The following COL27A1 variants were observed in gnomAD, a reference collection of about 807,000 sequenced individuals.
COL27A1 encodes collagen alpha-1(XXVII) chain.
A neutral mutation model predicts 251.3 loss-of-function variants in COL27A1; 106 were observed. The ratio of observed to expected loss-of-function variants is 0.42; its 90% CI spans 0.36 to 0.50. COL27A1 has a LOEUF of 0.50. COL27A1 is among the 20% of genes least tolerant of loss of function. COL27A1 has a pLI of 0.00. For synonymous variants in COL27A1, 1,000 were observed against 986.3 expected (o/e 1.01, Z -0.26); for missense variants, 2,325 against 2,522.8 (o/e 0.92, Z 1.68).
intron 59 of COL27A1, among the ~76,000 whole-genome samples, chr9:114,308,954 G>A (rs1317703151): frequency 6.6e-6 from 1 of 152,116 alleles, no homozygotes; most frequent in African/African-American, 2.4e-5. Flanking sequence ...TGAGCTCCTG[G>A]ATCCTAGCTC....
chr9:114,205,809 G>A lies in COL27A1; in HGVS notation c.2220G>A (p.Arg740=), dbSNP rs1588657153. Residue 740 remains arginine (R), a synonymous_variant, in exon 9 of 61, where the codon AGG becomes AGA. Coordinates refer to ENST00000356083, the MANE Select transcript of COL27A1 (RefSeq NM_032888.4). ...CAGGGGCCAAAGGTTACCCTGGCAG[G>A]CAGGTGCAGTATATGGCTTCTGGAA... ...GSPGAKGYPG[R]QGLPGPVGDP... 6.2e-7 allele frequency: 1 copy of A among 1,613,214 alleles called. No individual in the cohort carries two copies. The highest frequency in any genetic ancestry group is 1.7e-5 in the Admixed American group (1 of 59,870).
chr9:114,209,386 G>T, intron 10 of COL27A1: 1 of 706,280 alleles, frequency 1.4e-6, no homozygotes, highest in East Asian at 2.9e-5. Flanking sequence ...TGCAGGTCCT[G>T]GAGCCCTGGC....
intron 56 of COL27A1, among the ~76,000 whole-genome samples, chr9:114,302,369 CTA>C (rs1828709361): frequency 6.6e-6 from 1 of 152,164 alleles, no homozygotes; most frequent in African/African-American, 2.4e-5. Context: ...GTTCATGGCC[CTA>C]TCTGTGTACT....
intron 1 of COL27A1, among the ~76,000 whole-genome samples, chr9:114,157,106 A>ACACCCG (rs142812937): frequency 6.8e-6 from 1 of 147,844 alleles, no homozygotes; most frequent in Admixed American, 6.7e-5. Flanking sequence ...ACACACACAT[A>ACACCCG]CGCGCGCGCG....
At chr9:114,233,099 G>A (rs1045765341) in intron 16 of COL27A1, among the ~76,000 whole-genome samples, 11 of 152,166 alleles carry the variant, frequency 7.2e-5, no homozygotes, top group African/African-American at 2.7e-4. Flanking sequence ...AGGCCACGCA[G>A]CTGGTAAGTA....
chr9:114,278,295 GGTAGTGGTGGTA>G, intron 37 of COL27A1, among the ~76,000 whole-genome samples: 1 of 140,362 alleles, frequency 7.1e-6, no homozygotes, highest in African/African-American at 2.7e-5. Flanking sequence ...TGTTGATGGT[GGTAGTGGTGGTA>G]GTGGTGACTG....
At position 114,265,460 on chromosome 9, in the gene COL27A1, C is replaced by T; in HGVS notation, c.3378C>T (p.Gly1126=). The T allele has an allele frequency of 6.2e-7, 1 of 1,613,928 alleles. No individual in the cohort carries two copies. Among genetic ancestry groups the T allele is most frequent in the South Asian group, 1.1e-5 (1 of 91,080 alleles). The change falls in exon 32 of 61, where the codon GGC becomes GGT. Residue 1126 remains glycine, a synonymous_variant. Transcript: ENST00000356083. Reference sequence around the variant, plus strand: ...CCTCAGGCCCCCCAGGCACCAAGGGCCTCCCAGGAGAACCGGTAAGAGCCC... The same window carrying T: ...CCTCAGGCCCCCCAGGCACCAAGGGTCTCCCAGGAGAACCGGTAAGAGCCC... ...PGPSGPPGTK[G]LPGEPGPQGP... is the part of the protein sequence containing the mutation.
At chr9:114,256,165 T>C (rs1833907218) in intron 27 of COL27A1, among the ~76,000 whole-genome samples, 1 of 152,186 alleles carries the variant, frequency 6.6e-6, no homozygotes, top group Admixed American at 6.5e-5. Flanking sequence ...TTCACCTCCA[T>C]GTTGTCCGAT....
chr9:114,233,814 T>A (rs1384034427), intron 16 of COL27A1, among the ~76,000 whole-genome samples: 1 of 152,142 alleles, frequency 6.6e-6, no homozygotes, highest in Non-Finnish European at 1.5e-5. Flanking sequence ...CCATAGTTTT[T>A]AGGAAAATCA....
chr9:114,205,936 A>G, intron 9 of COL27A1, 124 bp downstream of exon 9: 1 of 848,692 alleles, frequency 1.2e-6, no homozygotes, highest in South Asian at 1.7e-5. Flanking sequence ...GTGGACCCTA[A>G]GGAGGGGGCT....
chr9:114,156,991 C>T (rs1263517542), intron 1 of COL27A1, among the ~76,000 whole-genome samples: 2 of 152,058 alleles, frequency 1.3e-5, no homozygotes, highest in Non-Finnish European at 2.9e-5. Context: ...CTGGAGTCCG[C>T]GGGATGACAC....
chr9:114,216,893 G>A (rs903456945), intron 12 of COL27A1, among the ~76,000 whole-genome samples: 2 of 152,104 alleles, frequency 1.3e-5, no homozygotes, highest in African/African-American at 2.4e-5. Flanking sequence ...ATGAGCCCTC[G>A]GAGAGCCTGT....
At chr9:114,197,982 G>A (rs895697082) in intron 7 of COL27A1, among the ~76,000 whole-genome samples, 1 of 152,266 alleles carries the variant, frequency 6.6e-6, no homozygotes, top group Admixed American at 6.5e-5. Flanking sequence ...CACCATTGTA[G>A]ATGGTCTTTC....
chr9:114,240,656 C>T (rs1010538472), intron 21 of COL27A1, among the ~76,000 whole-genome samples, 169 bp downstream of exon 21: 12 of 152,202 alleles, frequency 7.9e-5, no homozygotes, highest in South Asian at 2.1e-4. Flanking sequence ...AGCCCTGCCC[C>T]GTGCCCCTTC....
chr9:114,274,459 G>C (rs1835354465), intron 36 of COL27A1, among the ~76,000 whole-genome samples: 1 of 152,180 alleles, frequency 6.6e-6, no homozygotes, highest in African/African-American at 2.4e-5. Context: ...TGTAAAATGG[G>C]ACTAAAAGCG....
At chr9:114,162,818 C>G (rs757840693) in intron 2 of COL27A1, 33 bp downstream of exon 2, 1 of 1,538,988 alleles carries the variant, frequency 6.5e-7, no homozygotes, top group East Asian at 2.3e-5. Flanking sequence ...CAGGGGGAGA[C>G]AAAGGAGAAC....
chr9:114,189,077 G>A (rs1305037046), intron 5 of COL27A1, among the ~76,000 whole-genome samples: 1 of 152,112 alleles, frequency 6.6e-6, no homozygotes, highest in Non-Finnish European at 1.5e-5. Flanking sequence ...TCTCAGGAGG[G>A]CTCTATTCAT....
rs1199474436 is a variant in COL27A1, at chr9:114,252,635, A to G, written c.3076A>G (p.Lys1026Glu). ...MMGPPGVPGP[K>E]GSMGHPGMPG... The stretch of plus-strand genomic sequence containing the variant: ...GGGACCCCCAGGCGTGCCTGGACCC[A>G]AGGGGTCGATGGTAAGGAGTAAGTC... The change falls in exon 26 of 61, where the codon AAG (lysine) becomes GAG (glutamate). Residue 1026 changes from lysine (K) to glutamate (E), a missense_variant. Lys to Glu is a moderately conservative substitution (Grantham distance 56, BLOSUM62 1). Around this residue, in one of 4 missense-constraint regions of COL27A1, gnomAD observed 662 missense variants for 795.3 expected, o/e 0.83. Coordinates refer to ENST00000356083, the MANE Select transcript of COL27A1 (RefSeq NM_032888.4). 1 of 1,613,766 alleles carries G rather than the reference A, an allele frequency of 6.2e-7. No individual in the cohort carries two copies. The highest frequency in any genetic ancestry group is 8.5e-7 in the Non-Finnish European group (1 of 1,179,922).
chr9:114,216,122 T>A (rs1468730426), intron 12 of COL27A1, among the ~76,000 whole-genome samples: 1 of 152,222 alleles, frequency 6.6e-6, no homozygotes, highest in African/African-American at 2.4e-5. Flanking sequence ...TCTGAGTTGT[T>A]GTGGCCAAGA....
Sources: gnomAD v4.1 joint callset for allele counts (sites outside exome capture counted in the v4.1 genomes callset) on GRCh38, gnomAD v4.1.1 for gene constraint, gnomAD v4.1.1 regional missense constraint, MANE v1.5 for transcripts, NCBI Gene and HGNC (gene_info 2026-07-23, HGNC 2026-07-21) for gene names.